Variants in DOCK3 observed in about 807,000 individuals in gnomAD.
DOCK3 encodes dedicator of cytokinesis protein 3.
DOCK3 carries 60 observed loss-of-function variants against 265.6 expected under a neutral mutation model. The ratio of observed to expected loss-of-function variants is 0.23; its 90% confidence interval spans 0.18 to 0.28. The LOEUF is 0.28. Among genes scored for constraint, DOCK3 ranks in the 10% least tolerant of loss-of-function variants. The probability of loss-of-function intolerance (pLI) is 1.00; values close to 1 mark genes in which losing one functional copy is unlikely to be tolerated. For missense variants in DOCK3, 1,981 were observed against 2,594.3 expected, an observed-to-expected ratio of 0.76 and a Z score of 5.14; for synonymous variants, 881 against 938.0, an observed-to-expected ratio of 0.94 and a Z score of 1.11.
At chr3:50,896,541 T>A (rs935594655) in intron 4 of DOCK3, among the ~76,000 whole-genome samples, 7 of 152,212 alleles carry the variant, frequency 4.6e-5, no homozygotes, top group African/African-American at 1.7e-4. Flanking sequence ...TTTTGGTGTT[T>A]TAGTCATGAA....
chr3:51,072,457 G>T (rs1368500980), intron 6 of DOCK3, among the ~76,000 whole-genome samples: 1 of 151,970 alleles, frequency 6.6e-6, no homozygotes, highest in Admixed American at 6.6e-5. Context: ...ATCCAGACGG[G>T]AGTGTGGTGG....
intron 5 of DOCK3, among the ~76,000 whole-genome samples, chr3:51,004,540 A>G (rs894350311): frequency 6.6e-6 from 1 of 152,092 alleles, no homozygotes; most frequent in African/African-American, 2.4e-5. Context: ...AGTATGGTAG[A>G]GATTGTGATT....
At chr3:51,253,518 A>G (rs2079378018) in intron 22 of DOCK3, among the ~76,000 whole-genome samples, 1 of 152,136 alleles carries the variant, frequency 6.6e-6, no homozygotes, top group East Asian at 1.9e-4. Context: ...TTGGTAGGCT[A>G]TTAAATACTA....
intron 12 of DOCK3, among the ~76,000 whole-genome samples, chr3:51,172,508 G>A (rs2086733266): frequency 6.6e-6 from 1 of 152,142 alleles, no homozygotes; most frequent in African/African-American, 2.4e-5. Flanking sequence ...CACTTTTGAA[G>A]CTAAGGTGAG....
chr3:51,180,711 A>T (rs554783401), intron 12 of DOCK3, among the ~76,000 whole-genome samples: 1 of 152,190 alleles, frequency 6.6e-6, no homozygotes, highest in African/African-American at 2.4e-5. Context: ...TAACATTCAC[A>T]GGTTCTGGGG....
chr3:51,108,192 A>C (rs1467296448), intron 9 of DOCK3, among the ~76,000 whole-genome samples: 1 of 152,090 alleles, frequency 6.6e-6, no homozygotes, highest in African/African-American at 2.4e-5. Flanking sequence ...ATGCCTGGCT[A>C]ATTTTATGTT....
chr3:51,170,576 G>A (rs1320637842), intron 12 of DOCK3, among the ~76,000 whole-genome samples: 1 of 152,116 alleles, frequency 6.6e-6, no homozygotes, highest in African/African-American at 2.4e-5. Context: ...TGTAGTATCA[G>A]TTGTAATGTT....
chr3:50,926,968 CCTT>C (rs1465345594), intron 4 of DOCK3, among the ~76,000 whole-genome samples: 1 of 152,162 alleles, frequency 6.6e-6, no homozygotes, highest in Non-Finnish European at 1.5e-5. Flanking sequence ...CTGCTTAAAA[CCTT>C]CTAGCGACTC....
chr3:50,675,233 C>A lies in DOCK3; in HGVS notation c.-31C>A. 1 of 1,159,574 alleles carries A rather than the reference C, an allele frequency of 8.6e-7. No individual in the cohort carries two copies. The highest frequency in any genetic ancestry group is 4.9e-5 in the Admixed American group (1 of 20,462). The allele number at this position is 1,159,574 out of a possible 1,614,324, so 71.8% of individuals were successfully genotyped here. A position where few individuals can be genotyped will look rare whatever the true frequency, so the allele number is the denominator to read the frequency against. On this transcript the variant is annotated 5_prime_UTR_variant, in exon 1 of 53. Coordinates refer to ENST00000266037, the MANE Select transcript of DOCK3 (RefSeq NM_004947.5). This position sits in a 1 kb window ranked among gnomAD's most constrained non-coding sequence, Gnocchi z 6.1. ...TCCCCGCCGCGTTGTCGCCCGGTCG[C>A]CGCGCCCGCGGGGCCGCGCCCGGCA...
intron 12 of DOCK3, among the ~76,000 whole-genome samples, chr3:51,199,429 C>G (rs550845599): frequency 6.6e-6 from 1 of 152,322 alleles, no homozygotes; most frequent in Non-Finnish European, 1.5e-5. Flanking sequence ...CGGAGTCTCG[C>G]TGATTGCTAG....
At chr3:50,822,496 G>A (rs535426603) in intron 2 of DOCK3, among the ~76,000 whole-genome samples, 3 of 151,946 alleles carry the variant, frequency 2.0e-5, no homozygotes, top group South Asian at 4.2e-4. Context: ...TTTCTAGCTC[G>A]GATACTTTTT....
At chr3:51,026,132 A>T (rs572897630) in intron 5 of DOCK3, among the ~76,000 whole-genome samples, 5 of 152,156 alleles carry the variant, frequency 3.3e-5, no homozygotes, top group Non-Finnish European at 7.3e-5. Context: ...ACTGCCTCCA[A>T]TCTGCCATTT....
intron 5 of DOCK3, among the ~76,000 whole-genome samples, chr3:51,059,775 C>G (rs79225431): frequency 6.6e-6 from 1 of 152,078 alleles, no homozygotes; most frequent in African/African-American, 2.4e-5. Context: ...TGTACCCTTC[C>G]TCTCTGTGAA....
At chr3:50,756,878 T>C (rs1217630811) in intron 1 of DOCK3, among the ~76,000 whole-genome samples, 1 of 152,160 alleles carries the variant, frequency 6.6e-6, no homozygotes, top group Admixed American at 6.5e-5. Context: ...AATTGTGTTA[T>C]CTTTTTTCTT....
chr3:51,254,964 T>G (rs1385306295), intron 22 of DOCK3, among the ~76,000 whole-genome samples: 1 of 152,104 alleles, frequency 6.6e-6, no homozygotes, highest in Non-Finnish European at 1.5e-5. Context: ...TCCTAGCATC[T>G]ATGGTCTTTA....
chr3:51,281,861 G>A (rs542266441), intron 27 of DOCK3, among the ~76,000 whole-genome samples: 24 of 152,102 alleles, frequency 1.6e-4, no homozygotes, highest in Non-Finnish European at 3.2e-4. Flanking sequence ...CCAGAGAGGA[G>A]TCTTCCACTT....
intron 4 of DOCK3, among the ~76,000 whole-genome samples, chr3:50,901,976 C>A (rs2049227763): frequency 6.6e-6 from 1 of 152,156 alleles, no homozygotes. Flanking sequence ...TCTCCCACCA[C>A]CCACCTGACA....
intron 44 of DOCK3, 82 bp downstream of exon 44, chr3:51,357,223 G>A: frequency 6.8e-7 from 1 of 1,476,706 alleles, no homozygotes; most frequent in Non-Finnish European, 9.1e-7. Context: ...CAAGATTATA[G>A]TCTCCTTAGG....
intron 12 of DOCK3, among the ~76,000 whole-genome samples, chr3:51,168,276 A>G (rs1175221189): frequency 6.6e-6 from 1 of 152,232 alleles, no homozygotes; most frequent in Non-Finnish European, 1.5e-5. Flanking sequence ...AAGAGCCCGA[A>G]TGGCTAAGGC....
Sources: gnomAD v4.1 joint callset for allele counts (sites outside exome capture counted in the v4.1 genomes callset) on GRCh38, gnomAD v4.1.1 for gene constraint, Gnocchi (gnomAD v3.1) non-coding constraint, MANE v1.5 for transcripts, NCBI Gene and HGNC (gene_info 2026-07-23, HGNC 2026-07-21) for gene names.